Variants in GUCY2D observed in about 807,000 individuals in gnomAD.
GUCY2D encodes the protein guanylate cyclase 2D, retinal.
In GUCY2D, 70 loss-of-function variants were observed where a neutral mutation model predicts 101.3. The observed-to-expected ratio is 0.69, with a 90% CI of 0.57 to 0.84. GUCY2D has a LOEUF of 0.84. Among genes scored for constraint, GUCY2D ranks in the 40% least tolerant of loss-of-function variants. The pLI is 0.00. For synonymous variants in GUCY2D, 688 were observed against 670.7 expected (o/e 1.03, Z -0.40); for missense variants, 1,460 against 1,542.5 (o/e 0.95, Z 0.90).
At chr17:8,007,564 C>T (rs1260699255) in intron 6 of GUCY2D, 36 bp downstream of exon 6, 1 of 1,375,200 alleles carries the variant, frequency 7.3e-7, no homozygotes, top group Non-Finnish European at 1.0e-6. Context: ...CAGTTGTCTT[C>T]TTTCCGTAAA....
Position 8,003,313 on chromosome 17 carries a change from G to T in GUCY2D, c.266G>T (p.Gly89Val). The change falls in exon 2 of 20, where the codon GGC becomes GTC. Residue 89 changes from glycine to valine, a missense_variant. Transcript: ENST00000254854. The stretch of plus-strand genomic sequence containing the variant: ...GCCGCCCGCCTGAACCGCGACCCCG[G>T]CCTGGCAGGCGGTCCCCGCTTCGAG... ...LAAARLNRDP[G>V]LAGGPRFEVA... 1 of 1,484,264 alleles carries T rather than the reference G, an allele frequency of 6.7e-7. No individual in the cohort carries two copies. The highest frequency in any genetic ancestry group is 8.9e-7 in the Non-Finnish European group (1 of 1,124,038). The allele number at this position is 1,484,264 out of a possible 1,614,324, so 91.9% of individuals were successfully genotyped here.
rs148448937 is a variant in GUCY2D at position 8,006,563 on chromosome 17, G to A, written c.1227G>A (p.Ala409=). 21 of 1,613,278 alleles carry A rather than the reference G, an allele frequency of 1.3e-5. No individual in the cohort carries two copies. Among genetic ancestry groups the A allele is most frequent in the African/African-American group, 4.0e-5 (3 of 74,928 alleles). The change falls in exon 4 of 20, where the codon GCG becomes GCA. Residue 409 remains alanine (A), a synonymous_variant. Transcript: ENST00000254854. ...EPPFVLLDTD[A]AGDRLFATYM... ...CATTCGTGCTGCTAGACACGGACGCGGCGGGAGACCGGCTTTTTGCCACAT... is the reference window on the plus strand; with the variant it reads ...CATTCGTGCTGCTAGACACGGACGCAGCGGGAGACCGGCTTTTTGCCACAT...
intron 3 of GUCY2D, among the ~76,000 whole-genome samples, chr17:8,006,009 A>G (rs75290069): frequency 0.01 from 1,540 of 152,290 alleles, 23 homozygotes; most frequent in African/African-American, 0.034. Context: ...TATGCTGGGC[A>G]ACCAACAGGA....
At position 8,013,273 on chromosome 17, in the gene GUCY2D, G is replaced by C; in HGVS notation, c.2263+21G>C. On this transcript the variant is annotated intron_variant, in intron 11 of 19. Coordinates refer to ENST00000254854, the MANE Select transcript of GUCY2D (RefSeq NM_000180.4). The surrounding 1 kb of genome is among the most constrained non-coding windows in gnomAD (Gnocchi z 5.0). ...CGAGGGTAAGGCTGCCCTGTGCGTGGAGTTCGGCCCACAGGGGCACCCTGC... is the reference window on the plus strand; with the variant it reads ...CGAGGGTAAGGCTGCCCTGTGCGTGCAGTTCGGCCCACAGGGGCACCCTGC... The C allele has an allele frequency of 1.9e-6, 3 of 1,613,220 alleles. No homozygotes were observed. Among genetic ancestry groups the C allele is most frequent in the Non-Finnish European group, 2.5e-6 (3 of 1,179,446 alleles).
intron 7 of GUCY2D, among the ~76,000 whole-genome samples, chr17:8,008,783 G>A (rs563600965): frequency 2.4e-4 from 37 of 152,304 alleles, no homozygotes; most frequent in African/African-American, 8.4e-4. Context: ...CACTAATGCA[G>A]CTCCTAGTTT....
At position 8,015,767 on chromosome 17, in the gene GUCY2D, G is replaced by T. The variant is rs1975956991; in HGVS notation, c.2969G>T (p.Gly990Val). ...GGTCCATGCGTGGCAGGCGTGGTGGGCCTCACCATGCCGCGGTACTGCCTG... is the reference window on the plus strand; with the variant it reads ...GGTCCATGCGTGGCAGGCGTGGTGGTCCTCACCATGCCGCGGTACTGCCTG... ...HSGPCVAGVV[G>V]LTMPRYCLFG... Residue 990 changes from glycine (G) to valine (V), a missense_variant, in exon 16 of 20, where the codon GGC (glycine) becomes GTC (valine). By Grantham distance (109) the Gly-to-Val change is moderately radical. Coordinates refer to ENST00000254854, the MANE Select transcript of GUCY2D (RefSeq NM_000180.4). 3 of 1,611,160 alleles carry T rather than the reference G, an allele frequency of 1.9e-6. No individual in the cohort carries two copies. The highest frequency in any genetic ancestry group is 2.5e-6 in the Non-Finnish European group (3 of 1,179,168).
At chr17:8,010,665 G>A (rs1449937452) in intron 8 of GUCY2D, among the ~76,000 whole-genome samples, 4 of 152,076 alleles carry the variant, frequency 2.6e-5, no homozygotes, top group South Asian at 4.2e-4. Context: ...AAAATTAGCC[G>A]GGTGTGGTGG....
At position 8,014,945 on chromosome 17, in the gene GUCY2D, G is replaced by T; in HGVS notation, c.2663G>T (p.Gly888Val). The T allele has an allele frequency of 1.9e-6, 3 of 1,613,984 alleles. No individual in the cohort carries two copies. The highest frequency in any genetic ancestry group is 1.3e-5 in the African/African-American group (1 of 75,022). Residue 888 changes from glycine (G) to valine (V), a missense_variant, in exon 14 of 20, where the codon GGC (glycine) becomes GTC (valine). Gly to Val is a moderately radical substitution (Grantham distance 109, BLOSUM62 -3). Coordinates refer to ENST00000254854, the MANE Select transcript of GUCY2D (RefSeq NM_000180.4). The surrounding 1 kb of genome is among the most constrained non-coding windows in gnomAD (Gnocchi z 4.0). ...QVTLYFSDIV[G>V]FTTISAMSEP... Reference sequence around the variant, plus strand: ...ACACTGTACTTTAGTGACATTGTGGGCTTCACCACCATCTCTGCCATGAGT... The same window carrying T: ...ACACTGTACTTTAGTGACATTGTGGTCTTCACCACCATCTCTGCCATGAGT...
intron 3 of GUCY2D, 132 bp downstream of exon 3, chr17:8,004,288 T>A: frequency 1.2e-6 from 1 of 843,692 alleles, no homozygotes; most frequent in Non-Finnish European, 1.8e-6. Flanking sequence ...CTGGGTAATG[T>A]AGAGGCTCTG....
In GUCY2D at chr17:8,014,903, A is replaced by C. The variant is rs1975933388; in HGVS notation, c.2621A>C (p.Glu874Ala). 1.2e-6 allele frequency: 2 copies of C among 1,614,004 alleles called. No individual in the cohort carries two copies. Among genetic ancestry groups the C allele is most frequent in the Non-Finnish European group, 1.7e-6 (2 of 1,180,032 alleles). ...ALKTGTPVEP[E>A]YFEQVTLYFS... ...AAGACGGGGACACCAGTGGAGCCCG[A>C]GTACTTTGAGCAAGTGACACTGTAC... is the stretch of plus-strand genomic sequence containing the variant. Residue 874 changes from glutamate (E) to alanine (A), a missense_variant, in exon 14 of 20, where the codon GAG becomes GCG. By Grantham distance (107) the Glu-to-Ala change is moderately radical (BLOSUM62 -1). Coordinates refer to ENST00000254854, the MANE Select transcript of GUCY2D (RefSeq NM_000180.4). The surrounding 1 kb of genome is among the most constrained non-coding windows in gnomAD (Gnocchi z 4.0).
chr17:8,019,026 C>T (rs969131411), intron 19 of GUCY2D, among the ~76,000 whole-genome samples: 2 of 151,978 alleles, frequency 1.3e-5, no homozygotes, highest in Admixed American at 6.5e-5. Context: ...AATTTAAATA[C>T]GATGAATTAA....
chr17:8,006,257 T>C, intron 3 of GUCY2D, 106 bp from the exon 4 acceptor site: 1 of 832,310 alleles, frequency 1.2e-6, no homozygotes, highest in Non-Finnish European at 2.0e-6. Flanking sequence ...AACAACTAAC[T>C]GGAAGGTGGC....
Position 8,015,015 on chromosome 17 carries a change from CTT to C in GUCY2D, c.2735_2736del (p.Phe912Ter), listed in dbSNP as rs1975937052. 2 of 1,613,910 alleles carry C rather than the reference CTT, an allele frequency of 1.2e-6. No individual in the cohort carries two copies. The highest frequency in any genetic ancestry group is 1.7e-5 in the Admixed American group (1 of 60,004). On this transcript the variant is annotated frameshift_variant, in exon 14 of 20. Transcript: ENST00000254854. LOFTEE classifies it high-confidence loss of function. ...VDLLNDLYTL[F>X]DAIIGSHDVY... ...ACCTGCTCAACGATCTCTACACACT[CTT>C]TGATGCCATCATTGGTTCCCACGAT...
At position 8,004,017 on chromosome 17, in the gene GUCY2D, C is replaced by G. The variant is rs374679518; in HGVS notation, c.887C>G (p.Ala296Gly). Reference protein sequence around the residue: ...SPGPEALAALANSSQLRRAHD... With the variant: ...SPGPEALAALGNSSQLRRAHD... ...GGCCCGGAGGCCTTGGCCGCACTCG[C>G]CAACAGCTCCCAGCTTCGCAGGGCC... The change falls in exon 3 of 20, where the codon GCC becomes GGC. Residue 296 changes from alanine to glycine, a missense_variant. By Grantham distance (60) the Ala-to-Gly change is moderately conservative (BLOSUM62 0). Transcript: ENST00000254854. The G allele has an allele frequency of 6.2e-7, 1 of 1,612,740 alleles. No homozygotes were observed. Among genetic ancestry groups the G allele is most frequent in the South Asian group, 1.1e-5 (1 of 91,088 alleles).
In GUCY2D at chr17:8,015,520, C is replaced by T. The variant is rs553072849; in HGVS notation, c.2944+18C>T. The stretch of plus-strand genomic sequence containing the variant: ...GCACTCGGGTAACTCCCGGGTCTTC[C>T]CAGGCTCCAGCCCATCTCCCTCTTT... On this transcript the variant is annotated intron_variant, in intron 15 of 19. Transcript: ENST00000254854. 6 of 1,603,920 alleles carry T rather than the reference C, an allele frequency of 3.7e-6. No homozygotes were observed. The highest frequency in any genetic ancestry group is 1.7e-5 in the Admixed American group (1 of 59,360).
Position 8,014,787 on chromosome 17 carries a change from G to T in GUCY2D, c.2576+23G>T. The T allele has an allele frequency of 6.2e-7, 1 of 1,611,358 alleles. No homozygotes were observed. Among genetic ancestry groups the T allele is most frequent in the Non-Finnish European group, 8.5e-7 (1 of 1,177,948 alleles). On this transcript the variant is annotated intron_variant, in intron 13 of 19. Transcript: ENST00000254854. The surrounding 1 kb of genome is among the most constrained non-coding windows in gnomAD (Gnocchi z 4.0). ...TCCGTGGGTGCCAGTGGGAAGGGGT[G>T]GGCTGGGAGGGCAGCTGGAGCCCAG...
chr17:8,013,346 T>G lies in GUCY2D; in HGVS notation c.2263+94T>G. The G allele has an allele frequency of 2.3e-6, 3 of 1,289,146 alleles. No individual in the cohort carries two copies. The highest frequency in any genetic ancestry group is 3.3e-6 in the Non-Finnish European group (3 of 905,322). 79.9% of individuals were successfully genotyped at this position (1,289,146 alleles called of 1,614,324 possible). A position where few individuals can be genotyped will look rare whatever the true frequency, so the allele number is the denominator to read the frequency against. ...CTCTTTCCTCTAAAGCAAAGCCCAG[T>G]GATGAAACTCAATTATACGGAGGCC... On this transcript the variant is annotated intron_variant, in intron 11 of 19. Coordinates refer to ENST00000254854, the MANE Select transcript of GUCY2D (RefSeq NM_000180.4). The surrounding 1 kb of genome is among the most constrained non-coding windows in gnomAD (Gnocchi z 5.0).
chr17:8,008,098 G>T, intron 7 of GUCY2D, 66 bp downstream of exon 7: 2 of 964,086 alleles, frequency 2.1e-6, no homozygotes. Context: ...GGGCAGAGGG[G>T]AGGCGCACTC....
At chr17:8,016,932 T>C in intron 19 of GUCY2D, 1 of 180,626 alleles carries the variant, frequency 5.5e-6, no homozygotes, top group Non-Finnish European at 1.2e-5. Flanking sequence ...CCCACTCCCC[T>C]CCTGCAAGAA....
Sources: allele counts gnomAD v4.1 joint callset (sites outside exome capture counted in the v4.1 genomes callset), GRCh38; gene constraint gnomAD v4.1.1; non-coding constraint Gnocchi (gnomAD v3.1); transcripts MANE v1.5; gene names NCBI Gene and HGNC (gene_info 2026-07-23, HGNC 2026-07-21).